The following PLXNA2 variants were observed in gnomAD, a reference collection of about 807,000 sequenced individuals.
PLXNA2 encodes plexin A2.
A neutral mutation model predicts 193.5 loss-of-function variants in PLXNA2; 91 were observed. That is an observed-to-expected ratio of 0.47 (90% CI 0.40 to 0.56). The LOEUF is 0.56. Ranked by LOEUF, PLXNA2 falls within the 20% of genes least tolerant of loss-of-function variation. The pLI is 0.00. For synonymous variants in PLXNA2, 997 were observed against 1,027.3 expected, an observed-to-expected ratio of 0.97 and a Z score of 0.56; for missense variants, 1,995 against 2,503.2, an observed-to-expected ratio of 0.80 and a Z score of 4.33.
In PLXNA2 at chr1:208,038,183, G is replaced by A. The variant is rs987742069; in HGVS notation, c.4764+188C>T. ...CTGAGGGTGGAGTTTGGTCACTCAC[G>A]TTTTTTATCAGTTCCCTCAGTAATT... is the stretch of plus-strand genomic sequence containing the variant. On this transcript the variant is annotated intron_variant, in intron 26 of 31. Transcript: ENST00000367033. This position sits in a 1 kb window ranked among gnomAD's most constrained non-coding sequence, Gnocchi z 4.1. Among the ~76,000 whole-genome samples, 9 of 152,158 alleles carry A rather than the reference G, an allele frequency of 5.9e-5. No homozygotes were observed. The highest frequency in any genetic ancestry group is 1.4e-4 in the African/African-American group (6 of 41,440).
chr1:208,029,079 C>A (rs778627536), intron 29 of PLXNA2, 37 bp from the exon 30 acceptor site: 4 of 1,610,432 alleles, frequency 2.5e-6, no homozygotes, highest in East Asian at 4.5e-5. Context: ...AGAATGCATG[C>A]GGGCCGTGCC....
chr1:208,241,649 C>G (rs1046969013), intron 1 of PLXNA2, among the ~76,000 whole-genome samples: 12 of 152,222 alleles, frequency 7.9e-5, no homozygotes, highest in African/African-American at 2.9e-4. Context: ...ATGTCATTTC[C>G]ATTTAACTGC....
chr1:208,153,613 G>A (rs1417311133), intron 3 of PLXNA2, among the ~76,000 whole-genome samples: 1 of 152,204 alleles, frequency 6.6e-6, no homozygotes, highest in Non-Finnish European at 1.5e-5. Context: ...GCTATGAAAA[G>A]GACTCCAGGA....
intron 3 of PLXNA2, chr1:208,210,079 A>G (rs1217296595): frequency 1.1e-5 from 6 of 525,210 alleles, no homozygotes; most frequent in Non-Finnish European, 2.1e-5. Flanking sequence ...CATTCCTTAC[A>G]TACCCAATGA....
At chr1:208,037,376 C>T (rs1311076724) in intron 26 of PLXNA2, among the ~76,000 whole-genome samples, 3 of 152,176 alleles carry the variant, frequency 2.0e-5, no homozygotes, top group Non-Finnish European at 4.4e-5. Flanking sequence ...CCACAGCTTC[C>T]TCTGTGCCCA....
intron 3 of PLXNA2, among the ~76,000 whole-genome samples, chr1:208,165,454 A>T (rs1669269391): frequency 6.6e-6 from 1 of 152,160 alleles, no homozygotes; most frequent in Non-Finnish European, 1.5e-5. Flanking sequence ...CCAAAGTCAC[A>T]CATCTAGGAA....
intron 4 of PLXNA2, among the ~76,000 whole-genome samples, chr1:208,114,879 G>A (rs1667590920): frequency 6.6e-6 from 1 of 152,214 alleles, no homozygotes; most frequent in Non-Finnish European, 1.5e-5. Flanking sequence ...AAGGATAGAG[G>A]GAGCGGGAGG....
chr1:208,089,447 T>G (rs1479979356), intron 9 of PLXNA2, among the ~76,000 whole-genome samples: 1 of 152,206 alleles, frequency 6.6e-6, no homozygotes, highest in Non-Finnish European at 1.5e-5. Flanking sequence ...TTTTTAGCAT[T>G]CTGGTTACTA....
At chr1:208,162,795 A>G (rs1669173360) in intron 3 of PLXNA2, among the ~76,000 whole-genome samples, 4 of 152,198 alleles carry the variant, frequency 2.6e-5, no homozygotes, top group Admixed American at 2.6e-4. Flanking sequence ...GCCCAAAGTC[A>G]TACTCCTAGT....
chr1:208,098,641 T>C (rs990618681), intron 6 of PLXNA2, among the ~76,000 whole-genome samples: 3 of 152,218 alleles, frequency 2.0e-5, no homozygotes, highest in Non-Finnish European at 2.9e-5. Context: ...AACAGATCAA[T>C]GGGTAATGAA....
rs796995511 is a variant in PLXNA2, at chr1:208,235,246, C to T, written c.-81+8397G>A. 4.6e-5 allele frequency among the ~76,000 whole-genome samples: 7 copies of T among 152,308 alleles called. 1 individual carries two copies. The highest frequency in any genetic ancestry group is 1.7e-4 in the African/African-American group (7 of 41,574). On this transcript the variant is annotated intron_variant, in intron 1 of 31. Coordinates refer to ENST00000367033, the MANE Select transcript of PLXNA2 (RefSeq NM_025179.4). ...CTTTCTTCTCTATGTCCCATCTCCA[C>T]CAAGTCTTCAGCCCTTTATTCTTTA...
Position 208,210,460 on chromosome 1 carries a change from A to C in PLXNA2, c.1191T>G (p.Pro397=), listed in dbSNP as rs1427917040. The change falls in exon 3 of 32, where the codon CCT becomes CCG. Residue 397 remains proline (P), a splice_region_variant and synonymous_variant. Transcript: ENST00000367033. ...CACAGAAGTTATCATCGATGGGGAC[A>C]GGCTGGAGGGAAGCGGAAGGAATTG... The part of the protein sequence containing the change: ...LGKDVQCTKA[P]VPIDDNFCGL... 5.6e-6 allele frequency: 9 copies of C among 1,609,466 alleles called. No individual in the cohort carries two copies. The highest frequency in any genetic ancestry group is 7.6e-6 in the Non-Finnish European group (9 of 1,176,556).
chr1:208,237,936 G>A (rs374212600), intron 1 of PLXNA2, among the ~76,000 whole-genome samples: 69 of 152,300 alleles, frequency 4.5e-4, no homozygotes, highest in Middle Eastern at 3.4e-3. Flanking sequence ...ACAGGTGATC[G>A]ATCCCTATTT....
intron 3 of PLXNA2, among the ~76,000 whole-genome samples, chr1:208,204,941 A>T (rs532507967): frequency 5.3e-5 from 8 of 152,262 alleles, no homozygotes; most frequent in African/African-American, 1.9e-4. Flanking sequence ...GCTGCTGTTT[A>T]AGGTCCCTGG....
chr1:208,200,658 C>G (rs1191759720), intron 3 of PLXNA2, among the ~76,000 whole-genome samples: 1 of 133,888 alleles, frequency 7.5e-6, no homozygotes, highest in African/African-American at 2.8e-5. Context: ...GTGGTACAAT[C>G]TTGGCTCCCT....
chr1:208,242,686 T>C (rs1015461075), intron 1 of PLXNA2, among the ~76,000 whole-genome samples: 59 of 152,180 alleles, frequency 3.9e-4, no homozygotes, highest in African/African-American at 1.4e-3. Context: ...CTATCCCTCC[T>C]GAGCAGAGCT....
chr1:208,050,902 C>T, intron 17 of PLXNA2, 107 bp downstream of exon 17: 1 of 765,678 alleles, frequency 1.3e-6, no homozygotes, highest in East Asian at 2.5e-5. Context: ...CAGTTTTCCT[C>T]TCCAGTATTC....
chr1:208,087,620 C>T lies in PLXNA2; in HGVS notation c.2098-3040G>A, dbSNP rs571727819. 8.0e-4 allele frequency among the ~76,000 whole-genome samples: 122 copies of T among 152,244 alleles called. 2 individuals are homozygous for T. The highest frequency in any genetic ancestry group is 1.4e-3 in the Non-Finnish European group (98 of 68,028). On this transcript the variant is annotated intron_variant, in intron 9 of 31. Transcript: ENST00000367033. The stretch of plus-strand genomic sequence containing the variant: ...AATAGGATTTTTTCCCTTCTATTCT[C>T]TAAGGCAAAGGAAAGAAGCGGTTGG...
chr1:208,126,985 T>C (rs993314145), intron 4 of PLXNA2, among the ~76,000 whole-genome samples: 1 of 152,198 alleles, frequency 6.6e-6, no homozygotes, highest in Non-Finnish European at 1.5e-5. Context: ...GAAAAAGGAA[T>C]TAATGAATAA....
Sources: gnomAD v4.1 joint callset for allele counts (sites outside exome capture counted in the v4.1 genomes callset) on GRCh38, gnomAD v4.1.1 for gene constraint, Gnocchi (gnomAD v3.1) non-coding constraint, MANE v1.5 for transcripts, NCBI Gene and HGNC (gene_info 2026-07-23, HGNC 2026-07-21) for gene names.